Variants in TRERF1 observed in about 807,000 individuals in gnomAD.
The protein encoded by TRERF1 is transcriptional regulating factor 1, also known as transcriptional-regulating factor 1.
TRERF1 carries 27 observed loss-of-function variants against 122.9 expected under a neutral mutation model. That is an observed-to-expected ratio of 0.22 (90% CI 0.16 to 0.30). The LOEUF (loss-of-function observed/expected upper bound fraction) is 0.30. Ranked by LOEUF, TRERF1 falls within the 10% of genes least tolerant of loss-of-function variation. The probability of loss-of-function intolerance (pLI) is 1.00; values close to 1 mark genes in which losing one functional copy is unlikely to be tolerated. For missense variants in TRERF1, 1,248 were observed against 1,560.3 expected (o/e 0.80, Z 3.37); for synonymous variants, 636 against 641.7 (o/e 0.99, Z 0.13).
In TRERF1 at chr6:42,320,506, A is replaced by ATTTT. The variant is rs397977723; in HGVS notation, c.-370-19761_-370-19758dup. 8.1e-3 allele frequency among the ~76,000 whole-genome samples: 1,112 copies of ATTTT among 136,750 alleles called. 18 individuals are homozygous for ATTTT. Among genetic ancestry groups the ATTTT allele is most frequent in the African/African-American group, 0.019 (650 of 34,768 alleles). The allele number at this position is 136,750 out of a possible 152,430, so 89.7% of individuals were successfully genotyped here. A position where few individuals can be genotyped will look rare whatever the true frequency, so the allele number is the denominator to read the frequency against. ...TCACTACCAAAACAAAAGTGAAAGA[A>ATTTT]TTTTTTTTTTTTTTTTTGAGACTGA... On this transcript the variant is annotated intron_variant, in intron 3 of 17. Transcript: ENST00000372922.
At chr6:42,235,937 G>A (rs572302609) in intron 16 of TRERF1, among the ~76,000 whole-genome samples, 4 of 152,280 alleles carry the variant, frequency 2.6e-5, no homozygotes, top group South Asian at 4.1e-4. Flanking sequence ...TGGAGGCCAC[G>A]CTCACTGCAG....
intron 14 of TRERF1, among the ~76,000 whole-genome samples, chr6:42,245,926 G>C (rs1327139110): frequency 6.6e-6 from 1 of 152,124 alleles, no homozygotes; most frequent in African/African-American, 2.4e-5. Context: ...TGGCCAACAT[G>C]GTAAAGCCCC....
rs149739464 is a variant in TRERF1, at chr6:42,365,788, A to G, written c.-453-2709T>C. On this transcript the variant is annotated intron_variant, in intron 2 of 17. Coordinates refer to ENST00000372922, the Ensembl canonical transcript of TRERF1. ...CAACATTTCATTCCTAACTCTTGACATGATAAATGTCTCCTAAGTTACCTC... is the reference window on the plus strand; with the variant it reads ...CAACATTTCATTCCTAACTCTTGACGTGATAAATGTCTCCTAAGTTACCTC... Among the ~76,000 whole-genome samples, 198 of 152,304 alleles carry G rather than the reference A, an allele frequency of 1.3e-3. 1 individual carries two copies. Among genetic ancestry groups the G allele is most frequent in the African/African-American group, 4.6e-3 (191 of 41,562 alleles).
At position 42,441,004 on chromosome 6, in the gene TRERF1, A is replaced by G. The variant is rs1215529460; in HGVS notation, c.-454+10173T>C. Among the ~76,000 whole-genome samples the G allele has an allele frequency of 2.6e-5, 4 of 152,204 alleles. No individual in the cohort carries two copies. The South Asian group carries it at 8.3e-4, about 32-fold the overall frequency. On this transcript the variant is annotated intron_variant, in intron 2 of 17. Coordinates refer to ENST00000372922, the Ensembl canonical transcript of TRERF1. The stretch of plus-strand genomic sequence containing the variant: ...ACCACAATAATGATTTCCCGGTTGC[A>G]TTTTTACATGCCTGCCGCTTTATCA...
chr6:42,296,475 A>G (rs1038286605), intron 4 of TRERF1, among the ~76,000 whole-genome samples: 69 of 152,324 alleles, frequency 4.5e-4, no homozygotes, highest in Admixed American at 9.8e-4. Flanking sequence ...TCTGTGTTAC[A>G]AGCTCTACAG....
chr6:42,444,476 A>T lies in TRERF1; in HGVS notation c.-454+6701T>A, dbSNP rs531555493. ...GGCTGGTATCAAGTCCTAAGCCCAAACTCCTTCCCAGGGACAGGGCAGCCT... is the reference window on the plus strand; with the variant it reads ...GGCTGGTATCAAGTCCTAAGCCCAATCTCCTTCCCAGGGACAGGGCAGCCT... On this transcript the variant is annotated intron_variant, in intron 2 of 17. Coordinates refer to ENST00000372922, the Ensembl canonical transcript of TRERF1. Among the ~76,000 whole-genome samples, 8 of 151,860 alleles carry T rather than the reference A, an allele frequency of 5.3e-5. No individual in the cohort carries two copies. The East Asian group carries it at 1.6e-3, about 30-fold the overall frequency.
chr6:42,337,112 C>G (rs1263066179), intron 3 of TRERF1, among the ~76,000 whole-genome samples: 1 of 152,134 alleles, frequency 6.6e-6, no homozygotes, highest in African/African-American at 2.4e-5. Context: ...CCCTGAGCTC[C>G]TTGGTGGCAG....
chr6:42,365,140 G>A (rs1171736500), intron 2 of TRERF1, among the ~76,000 whole-genome samples: 3 of 152,104 alleles, frequency 2.0e-5, no homozygotes, highest in Non-Finnish European at 2.9e-5. Context: ...TGGGGTGCAC[G>A]TCCCACTGTG....
chr6:42,403,951 C>T (rs570065854), intron 2 of TRERF1, among the ~76,000 whole-genome samples: 1 of 152,218 alleles, frequency 6.6e-6, no homozygotes, highest in Admixed American at 6.5e-5. Context: ...GGCCTTGCCA[C>T]AGAGCCCGCT....
At chr6:42,322,094 T>C (rs1329050286) in intron 3 of TRERF1, among the ~76,000 whole-genome samples, 1 of 152,180 alleles carries the variant, frequency 6.6e-6, no homozygotes, top group African/African-American at 2.4e-5. Flanking sequence ...GCCATTTTAC[T>C]GCACCGGGAC....
intron 3 of TRERF1, among the ~76,000 whole-genome samples, chr6:42,356,896 C>A (rs1453929135): frequency 2.0e-5 from 3 of 152,024 alleles, no homozygotes; most frequent in Non-Finnish European, 4.4e-5. Flanking sequence ...GTTTAAGCAA[C>A]CCACTTTATG....
intron 3 of TRERF1, among the ~76,000 whole-genome samples, chr6:42,333,396 A>T (rs531516948): frequency 6.6e-6 from 1 of 152,308 alleles, no homozygotes; most frequent in South Asian, 2.1e-4. Context: ...CATGAGTCGG[A>T]CATCCCAGGG....
At chr6:42,377,849 C>T (rs1229645068) in intron 2 of TRERF1, among the ~76,000 whole-genome samples, 1 of 152,172 alleles carries the variant, frequency 6.6e-6, no homozygotes, top group Non-Finnish European at 1.5e-5. Context: ...GTCCTGGTAA[C>T]CTAAGATGGA....
At chr6:42,271,819 T>G (rs573444937) in intron 4 of TRERF1, among the ~76,000 whole-genome samples, 1 of 152,302 alleles carries the variant, frequency 6.6e-6, no homozygotes, top group South Asian at 2.1e-4. Context: ...TATATAAAAT[T>G]GTTACAGAAA....
intron 14 of TRERF1, 61 bp downstream of exon 14, chr6:42,246,395 A>G (rs1298361947): frequency 4.1e-6 from 5 of 1,212,748 alleles, no homozygotes; most frequent in Non-Finnish European, 5.9e-6. Flanking sequence ...ATTTCTAAAT[A>G]TTTTTGTGTA....
exon 6 of TRERF1, chr6:42,265,771 C>G (rs1340105365): frequency 6.2e-7 from 1 of 1,613,440 alleles, no homozygotes; most frequent in South Asian, 1.1e-5. Context: ...GGGACCCTGG[C>G]TGGGCTCTCC....
chr6:42,370,813 G>A (rs1343015062), intron 2 of TRERF1, among the ~76,000 whole-genome samples: 2 of 152,264 alleles, frequency 1.3e-5, no homozygotes, highest in East Asian at 3.9e-4. Context: ...CCCTTCCAGA[G>A]CCTCTCTGGC....
At chr6:42,450,000 T>C (rs1788183688) in intron 2 of TRERF1, among the ~76,000 whole-genome samples, 1 of 152,176 alleles carries the variant, frequency 6.6e-6, no homozygotes, top group South Asian at 2.1e-4. Context: ...ATGCTAAAAT[T>C]ATCCTAGCAA....
At chr6:42,294,169 G>A (rs1030906515) in intron 4 of TRERF1, among the ~76,000 whole-genome samples, 1 of 147,486 alleles carries the variant, frequency 6.8e-6, no homozygotes, top group African/African-American at 2.5e-5. Flanking sequence ...GGTAGCTCTA[G>A]CTATAATGTA....
Sources: gnomAD v4.1 joint callset for allele counts (sites outside exome capture counted in the v4.1 genomes callset) on GRCh38, gnomAD v4.1.1 for gene constraint, MANE v1.5 for transcripts, NCBI Gene and HGNC (gene_info 2026-07-23, HGNC 2026-07-21) for gene names.